LY6L: variants seen among roughly 807,000 people sequenced by gnomAD.
LY6L encodes the protein lymphocyte antigen 6 family member L, also known as lymphocyte antigen 6L.
LY6L carries 8 observed loss-of-function variants against 8.3 expected under a neutral mutation model. That is an observed-to-expected ratio of 0.97 (90% CI 0.57 to 1.74). The LOEUF is 1.74. Among genes scored for constraint, LY6L ranks in the 40% most tolerant of loss-of-function variants. The pLI, the probability that LY6L is intolerant of heterozygous loss-of-function variation, is 0.00. For synonymous variants in LY6L, 79 were observed against 77.9 expected, an observed-to-expected ratio of 1.01 and a Z score of -0.07; for missense variants, 156 against 183.8, an observed-to-expected ratio of 0.85 and a Z score of 0.87.
chr8:143,081,418 G>T, intron 3 of LY6L, 91 bp downstream of exon 3: 1 of 803,540 alleles, frequency 1.2e-6, no homozygotes, highest in Non-Finnish European at 1.9e-6. Context: ...AGTCCTCGGC[G>T]CTCCAGGGCC....
At chr8:143,082,385 C>T in intron 3 of LY6L, 40 bp from the exon 4 acceptor site, 1 of 1,429,614 alleles carries the variant, frequency 7.0e-7, no homozygotes. Flanking sequence ...TACCTCCTTG[C>T]TGGGGCTCTG....
At chr8:143,082,093 G>A (rs764098855) in intron 3 of LY6L, among the ~76,000 whole-genome samples, 8 of 152,176 alleles carry the variant, frequency 5.3e-5, no homozygotes, top group Non-Finnish European at 8.8e-5. Flanking sequence ...CCCATCTCCC[G>A]ACGACGCACA....
In LY6L at chr8:143,081,066, G is replaced by C. The variant is rs532494134; in HGVS notation, c.13G>C (p.Val5Leu). 2.6e-6 allele frequency: 4 copies of C among 1,534,676 alleles called. No individual in the cohort carries two copies. The highest frequency in any genetic ancestry group is 3.5e-6 in the Non-Finnish European group (4 of 1,146,236). ...GCCTTCTGGCGTCATGGAGAGGCTC[G>C]TCCTAACCCTGTGCACCCTCCCGCT... The part of the protein sequence containing the change: MERL[V>L]LTLCTLPLAV... The change falls in exon 2 of 4, where the codon GTC becomes CTC. Residue 5 changes from valine (V) to leucine (L), a missense_variant. Val to Leu is a conservative substitution (Grantham distance 32). Transcript: ENST00000562505.
At chr8:143,081,740 C>T (rs1820434521) in intron 3 of LY6L, among the ~76,000 whole-genome samples, 1 of 152,178 alleles carries the variant, frequency 6.6e-6, no homozygotes, top group Non-Finnish European at 1.5e-5. Context: ...TATAGTATAA[C>T]ACAACATAAT....
Position 143,082,760 on chromosome 8 carries a change from T to A in LY6L, c.*109T>A. Reference sequence around the variant, plus strand: ...CAGGACACTGGGGGGGGACCCTCCCTCTCTGAGGTGGTGGGGAGGGTGCCA... The same window carrying A: ...CAGGACACTGGGGGGGGACCCTCCCACTCTGAGGTGGTGGGGAGGGTGCCA... On this transcript the variant is annotated 3_prime_UTR_variant, in exon 4 of 4. Transcript: ENST00000562505. The A allele has an allele frequency of 1.1e-6, 1 of 917,014 alleles. No homozygotes were observed. The highest frequency in any genetic ancestry group is 2.0e-5 in the South Asian group (1 of 49,576). 56.8% of individuals were successfully genotyped at this position (917,014 alleles called of 1,614,324 possible).
intron 3 of LY6L, 46 bp downstream of exon 3, chr8:143,081,373 G>A (rs1356815489): frequency 7.9e-7 from 1 of 1,258,840 alleles, no homozygotes; most frequent in Non-Finnish European, 1.1e-6. Flanking sequence ...GCCGGGGAAG[G>A]GCCGGTGCCC....
chr8:143,083,154 A>T lies in LY6L; in HGVS notation c.*503A>T, dbSNP rs1282994394. Among the ~76,000 whole-genome samples the T allele has an allele frequency of 7.0e-6, 1 of 142,604 alleles. No individual in the cohort carries two copies. The highest frequency in any genetic ancestry group is 1.5e-5 in the Non-Finnish European group (1 of 66,708). 93.6% of individuals were successfully genotyped at this position (142,604 alleles called of 152,430 possible). A position where few individuals can be genotyped will look rare whatever the true frequency, so the allele number is the denominator to read the frequency against. ...GCCTCCAGTGTGGGTGATGGGAAGGATGGTGCCTCTGATGGGCAATGGGGA... is the reference window on the plus strand; with the variant it reads ...GCCTCCAGTGTGGGTGATGGGAAGGTTGGTGCCTCTGATGGGCAATGGGGA... On this transcript the variant is annotated 3_prime_UTR_variant, in exon 4 of 4. Coordinates refer to ENST00000562505, the MANE Select transcript of LY6L (RefSeq NM_001368160.2).
At chr8:143,081,396 G>A (rs1820428342) in intron 3 of LY6L, 69 bp downstream of exon 3, 19 of 1,045,778 alleles carry the variant, frequency 1.8e-5, no homozygotes, top group East Asian at 2.7e-5. Context: ...GCCTCTCAGC[G>A]ACTTAGCTAT....
In LY6L at chr8:143,081,223, G is replaced by T; in HGVS notation, c.86G>T (p.Ser29Ile). 6.5e-7 allele frequency: 1 copy of T among 1,531,580 alleles called. No homozygotes were observed. The highest frequency in any genetic ancestry group is 8.7e-7 in the Non-Finnish European group (1 of 1,144,022). 94.9% of individuals were successfully genotyped at this position (1,531,580 alleles called of 1,614,324 possible). Residue 29 changes from serine (S) to isoleucine (I), a missense_variant, in exon 3 of 4, where the codon AGC becomes ATC. By Grantham distance (142) the Ser-to-Ile change is moderately radical. Transcript: ENST00000562505. ...GCATTPARNL[S>I]CYQCFKVSSW... ...TTGCTGCCCACAGCTCGCAACCTGA[G>T]CTGCTACCAGTGCTTCAAGGTCAGC... is the stretch of plus-strand genomic sequence containing the variant.
At position 143,083,159 on chromosome 8, in the gene LY6L, G is replaced by A. The variant is rs542316862; in HGVS notation, c.*508G>A. Among the ~76,000 whole-genome samples the A allele has an allele frequency of 6.8e-6, 1 of 147,150 alleles. No homozygotes were observed. The highest frequency in any genetic ancestry group is 1.5e-5 in the Non-Finnish European group (1 of 67,248). The stretch of plus-strand genomic sequence containing the variant: ...CAGTGTGGGTGATGGGAAGGATGGT[G>A]CCTCTGATGGGCAATGGGGAAGGAT... On this transcript the variant is annotated 3_prime_UTR_variant, in exon 4 of 4. Transcript: ENST00000562505.
Position 143,080,963 on chromosome 8 carries a change from G to C in LY6L, c.-18-73G>C, listed in dbSNP as rs765174898. The C allele has an allele frequency of 2.6e-6, 3 of 1,164,464 alleles. No homozygotes were observed. In the South Asian group the frequency reaches 4.2e-5, roughly 16 times the overall value. The allele number at this position is 1,164,464 out of a possible 1,614,324, so 72.1% of individuals were successfully genotyped here. ...GGGGGTGCGCCCTGAGTAAAGCCCC[G>C]TCCGGGAGCAGGAAGCTGGGGAGGG... is the stretch of plus-strand genomic sequence containing the variant. On this transcript the variant is annotated intron_variant, in intron 1 of 3. Coordinates refer to ENST00000562505, the MANE Select transcript of LY6L (RefSeq NM_001368160.2).
At position 143,081,266 on chromosome 8, in the gene LY6L, GC is replaced by G; in HGVS notation, c.132del (p.Thr45ProfsTer40). On this transcript the variant is annotated frameshift_variant, in exon 3 of 4. Coordinates refer to ENST00000562505, the MANE Select transcript of LY6L (RefSeq NM_001368160.2). LOFTEE classifies it high-confidence loss of function. Reference sequence around the variant, plus strand: ...AGGTCAGCAGCTGGACGGAGTGCCCGCCCACCTGGTGCAGCCCGCTGGACCA... The same window carrying G: ...AGGTCAGCAGCTGGACGGAGTGCCCGCCACCTGGTGCAGCCCGCTGGACCA... ...FKVSSWTECP[P>X]TWCSPLDQVC... The G allele has an allele frequency of 6.5e-7, 1 of 1,533,806 alleles. No individual in the cohort carries two copies. Among genetic ancestry groups the G allele is most frequent in the East Asian group, 2.4e-5 (1 of 40,856 alleles).
chr8:143,081,786 G>A (rs923733880), intron 3 of LY6L, among the ~76,000 whole-genome samples: 7 of 152,122 alleles, frequency 4.6e-5, no homozygotes, highest in African/African-American at 1.7e-4. Flanking sequence ...AATATAATAC[G>A]ATGTAATATA....
At position 143,083,005 on chromosome 8, in the gene LY6L, CGGTGCCTCT is replaced by C. The variant is rs1166679342; in HGVS notation, c.*359_*367del. The stretch of plus-strand genomic sequence containing the variant: ...CCTCTGGTGTGGGTGATGGGATGGA[CGGTGCCTCT>C]GGTGTGGGTGATGGGAAGGACGGTG... On this transcript the variant is annotated 3_prime_UTR_variant, in exon 4 of 4. Coordinates refer to ENST00000562505, the MANE Select transcript of LY6L (RefSeq NM_001368160.2). 43 of 266,342 alleles carry C rather than the reference CGGTGCCTCT, an allele frequency of 1.6e-4. No individual in the cohort carries two copies. The highest frequency in any genetic ancestry group is 7.0e-4 in the African/African-American group (28 of 40,166). 16.5% of individuals were successfully genotyped at this position (266,342 alleles called of 1,614,324 possible). A position where few individuals can be genotyped will look rare whatever the true frequency, so the allele number is the denominator to read the frequency against.
chr8:143,083,284 C>T lies in LY6L; in HGVS notation c.*633C>T, dbSNP rs937840027. ...GGGCGATGGCCCCTTGCATGAGGCC[C>T]CTTGCCCTGAATGCTGTCCAGGACC... On this transcript the variant is annotated 3_prime_UTR_variant, in exon 4 of 4. Transcript: ENST00000562505. Among the ~76,000 whole-genome samples the T allele has an allele frequency of 6.6e-6, 1 of 152,148 alleles. No homozygotes were observed. The highest frequency in any genetic ancestry group is 1.5e-5 in the Non-Finnish European group (1 of 68,010).
intron 1 of LY6L, 123 bp downstream of exon 1, chr8:143,080,782 G>C (rs927953046): frequency 8.7e-6 from 4 of 462,364 alleles, no homozygotes; most frequent in Non-Finnish European, 1.5e-5. Flanking sequence ...CCAGGGAGAG[G>C]GAATGCGGGG....
In LY6L at chr8:143,081,342, G is replaced by A. The variant is rs1820427118; in HGVS notation, c.190+15G>A. On this transcript the variant is annotated intron_variant, in intron 3 of 3. Coordinates refer to ENST00000562505, the MANE Select transcript of LY6L (RefSeq NM_001368160.2). ...CGTCTCTTTTAGTGAGTCCCCCCCG[G>A]GCAGAGGGCAGGTGCCAGGTGCCGG... 2 of 1,460,006 alleles carry A rather than the reference G, an allele frequency of 1.4e-6. No individual in the cohort carries two copies. The highest frequency in any genetic ancestry group is 9.2e-7 in the Non-Finnish European group (1 of 1,091,250). The allele number at this position is 1,460,006 out of a possible 1,614,324, so 90.4% of individuals were successfully genotyped here. A position where few individuals can be genotyped will look rare whatever the true frequency, so the allele number is the denominator to read the frequency against.
At chr8:143,081,685 A>T (rs1820433807) in intron 3 of LY6L, among the ~76,000 whole-genome samples, 1 of 152,250 alleles carries the variant, frequency 6.6e-6, no homozygotes, top group African/African-American at 2.4e-5. Context: ...ACAACCCAGC[A>T]TCAGGCAGGC....
chr8:143,081,182 G>C, intron 2 of LY6L, 29 bp from the exon 3 acceptor site: 1 of 1,525,530 alleles, frequency 6.6e-7, no homozygotes, highest in South Asian at 1.2e-5. Context: ...GCGGACGCTG[G>C]TCCACAGCGC....
Sources: allele counts gnomAD v4.1 joint callset (sites outside exome capture counted in the v4.1 genomes callset), GRCh38; gene constraint gnomAD v4.1.1; transcripts MANE v1.5; gene names NCBI Gene and HGNC (gene_info 2026-07-23, HGNC 2026-07-21).